Variants in AOPEP observed in about 807,000 individuals in gnomAD.
AOPEP encodes the protein aminopeptidase O (putative).
AOPEP carries 77 observed loss-of-function variants against 98.1 expected under a neutral mutation model. The observed-to-expected ratio is 0.78, with a 90% confidence interval of 0.65 to 0.95. The LOEUF (loss-of-function observed/expected upper bound fraction) is 0.95. Ranked by LOEUF, AOPEP falls within the 40% of genes least tolerant of loss-of-function variation. The pLI, the probability that AOPEP is intolerant of heterozygous loss-of-function variation, is 0.00. For missense variants in AOPEP, 1,024 were observed against 1,024.7 expected, an observed-to-expected ratio of 1.00 and a Z score of 0.01; for synonymous variants, 346 against 365.3, an observed-to-expected ratio of 0.95 and a Z score of 0.60.
intron 1 of AOPEP, among the ~76,000 whole-genome samples, chr9:94,736,430 T>C (rs1450274952): frequency 6.6e-6 from 1 of 152,216 alleles, no homozygotes; most frequent in Non-Finnish European, 1.5e-5. Flanking sequence ...GAACTCTTAC[T>C]GAAAAAGCTG....
At chr9:94,866,868 T>A (rs888973717) in intron 5 of AOPEP, among the ~76,000 whole-genome samples, 4 of 152,208 alleles carry the variant, frequency 2.6e-5, no homozygotes, top group African/African-American at 7.2e-5. Context: ...TGACTCATAA[T>A]CAGTTTATAA....
chr9:94,766,984 A>AT (rs1301547128), intron 2 of AOPEP, among the ~76,000 whole-genome samples: 2 of 152,140 alleles, frequency 1.3e-5, no homozygotes, highest in Non-Finnish European at 2.9e-5. Context: ...ATGTTAAAAC[A>AT]TGTTCTTCCT....
chr9:94,852,621 A>G (rs759036700), intron 5 of AOPEP, among the ~76,000 whole-genome samples: 7 of 152,240 alleles, frequency 4.6e-5, no homozygotes, highest in Non-Finnish European at 4.4e-5. Flanking sequence ...CTCAAAGACC[A>G]CTGGGGGATC....
chr9:94,944,585 G>T, intron 7 of AOPEP, among the ~76,000 whole-genome samples: 1 of 152,104 alleles, frequency 6.6e-6, no homozygotes, highest in Admixed American at 6.5e-5. Flanking sequence ...TTTATTTTGA[G>T]ACAGGGTCTT....
intron 5 of AOPEP, among the ~76,000 whole-genome samples, chr9:94,898,529 G>A (rs2049898361): frequency 1.3e-5 from 2 of 152,010 alleles, no homozygotes; most frequent in South Asian, 2.1e-4. Context: ...CAGGAGAATC[G>A]CTTGAAGGCA....
intron 5 of AOPEP, among the ~76,000 whole-genome samples, chr9:94,868,077 G>A: frequency 6.6e-6 from 1 of 152,180 alleles, no homozygotes; most frequent in East Asian, 1.9e-4. Flanking sequence ...ATTTGTTGAT[G>A]ACTAAGAAAA....
chr9:95,149,961 C>A, the AOPEP span: 1 of 1,611,640 alleles, frequency 6.2e-7, no homozygotes, highest in Non-Finnish European at 8.5e-7. Flanking sequence ...AGAACTCTGG[C>A]TGGAGGATTT....
the AOPEP span, among the ~76,000 whole-genome samples, chr9:95,108,015 C>T: frequency 3.3e-5 from 5 of 152,182 alleles, no homozygotes; most frequent in East Asian, 3.8e-4. Context: ...AAGCAAAAAC[C>T]GAAAGCCCAT....
Position 94,831,794 on chromosome 9 carries a change from T to C in AOPEP, c.1364+30792T>C, listed in dbSNP as rs1185329960. Among the ~76,000 whole-genome samples the C allele has an allele frequency of 2.6e-5, 4 of 151,762 alleles. No individual in the cohort carries two copies. In the East Asian group the frequency reaches 7.8e-4, roughly 30 times the overall value. On this transcript the variant is annotated intron_variant, in intron 5 of 16. Coordinates refer to ENST00000375315, the MANE Select transcript of AOPEP (RefSeq NM_001193329.3). ...TCCCAAGTGCTACAAAGAGAAAAAA[T>C]ACCTGGAAATACAGCTAACAAGGGA... is the stretch of plus-strand genomic sequence containing the variant.
At chr9:94,973,124 T>G (rs138286619) in intron 10 of AOPEP, among the ~76,000 whole-genome samples, 49 of 152,328 alleles carry the variant, frequency 3.2e-4, no homozygotes, top group African/African-American at 1.2e-3. Flanking sequence ...TCTATCTGGC[T>G]GCACTTCCCA....
At chr9:95,084,733 C>T (rs1285348836) in intron 16 of AOPEP, among the ~76,000 whole-genome samples, 1 of 151,570 alleles carries the variant, frequency 6.6e-6, no homozygotes, top group Non-Finnish European at 1.5e-5. Flanking sequence ...CCAGCATCTT[C>T]GATCCTGTCC....
intron 13 of AOPEP, among the ~76,000 whole-genome samples, chr9:95,032,501 C>T (rs1681498418): frequency 1.3e-5 from 2 of 152,238 alleles, no homozygotes; most frequent in Admixed American, 1.3e-4. Context: ...AAAACGTTCT[C>T]CTCTGTCCTA....
intron 5 of AOPEP, among the ~76,000 whole-genome samples, chr9:94,886,606 G>T (rs2048270666): frequency 6.6e-6 from 1 of 152,090 alleles, no homozygotes. Flanking sequence ...AAAATAAAAA[G>T]ATAATATTAT....
chr9:94,990,712 C>T (rs1316401255), intron 11 of AOPEP, among the ~76,000 whole-genome samples: 8 of 152,036 alleles, frequency 5.3e-5, no homozygotes, highest in African/African-American at 1.9e-4. Flanking sequence ...GCAACCTCCT[C>T]CTCCTCCTAG....
chr9:95,031,276 T>G (rs2064274846), intron 13 of AOPEP, among the ~76,000 whole-genome samples: 1 of 152,224 alleles, frequency 6.6e-6, no homozygotes, highest in Non-Finnish European at 1.5e-5. Flanking sequence ...TGAAGTGAAG[T>G]CAGTGCGTCG....
chr9:95,019,104 A>G (rs1418173159), intron 13 of AOPEP: 1 of 150,074 alleles, frequency 6.7e-6, no homozygotes, highest in Non-Finnish European at 1.5e-5. Flanking sequence ...AGCAGCAAGT[A>G]TACAGCAGCA....
In AOPEP at chr9:94,985,201, C is replaced by T. The variant is rs148481841; in HGVS notation, c.1977+5774C>T. Among the ~76,000 whole-genome samples, 10 of 152,374 alleles carry T rather than the reference C, an allele frequency of 6.6e-5. No individual in the cohort carries two copies. The East Asian group carries it at 1.9e-3, about 29-fold the overall frequency. ...GACAATAATGTGTCCCAGAAATAGG[C>T]AGAAAGCAACTTGGGTTCCCAGACT... On this transcript the variant is annotated intron_variant, in intron 11 of 16. Transcript: ENST00000375315.
chr9:94,804,223 G>A (rs1315660479), intron 5 of AOPEP, among the ~76,000 whole-genome samples: 1 of 152,120 alleles, frequency 6.6e-6, no homozygotes, highest in Non-Finnish European at 1.5e-5. Flanking sequence ...TATGACAGTT[G>A]CTTAAAAATT....
At chr9:94,843,688 C>T (rs376372677) in intron 5 of AOPEP, among the ~76,000 whole-genome samples, 26 of 152,296 alleles carry the variant, frequency 1.7e-4, no homozygotes, top group African/African-American at 5.1e-4. Context: ...TAACCCAACT[C>T]GCTTTTTATC....
Sources: gnomAD v4.1 joint callset for allele counts (sites outside exome capture counted in the v4.1 genomes callset) on GRCh38, gnomAD v4.1.1 for gene constraint, MANE v1.5 for transcripts, NCBI Gene and HGNC (gene_info 2026-07-23, HGNC 2026-07-21) for gene names.